Variants in MAGI2 observed in about 807,000 individuals in gnomAD.
MAGI2 encodes membrane-associated guanylate kinase, WW and PDZ domain-containing protein 2.
In MAGI2, 35 loss-of-function variants were observed where a neutral mutation model predicts 133.3. The ratio of observed to expected loss-of-function variants is 0.26; its 90% CI spans 0.20 to 0.35. The LOEUF is 0.35. Among genes scored for constraint, MAGI2 ranks in the 10% least tolerant of loss-of-function variants. The pLI is 1.00. For synonymous variants in MAGI2, 729 were observed against 710.6 expected (o/e 1.03, Z -0.41); for missense variants, 1,636 against 1,863.4 (o/e 0.88, Z 2.25).
At chr7:78,828,911 C>T (rs904947871) in intron 2 of MAGI2, among the ~76,000 whole-genome samples, 13 of 152,070 alleles carry the variant, frequency 8.5e-5, no homozygotes, top group Admixed American at 1.3e-4. Context: ...AAGAATTGAT[C>T]TGACCCTTTG....
intron 3 of MAGI2, among the ~76,000 whole-genome samples, chr7:78,601,354 G>A (rs114886482): frequency 0.01 from 1,598 of 152,224 alleles, 16 homozygotes; most frequent in Middle Eastern, 0.017. Context: ...AATGAGGCTG[G>A]AAATGGGTCC....
chr7:79,372,463 G>C (rs1843107998), intron 1 of MAGI2, among the ~76,000 whole-genome samples: 1 of 152,096 alleles, frequency 6.6e-6, no homozygotes, highest in Admixed American at 6.6e-5. Context: ...GAGTAGAACA[G>C]ACTTAGAGAA....
intron 10 of MAGI2, among the ~76,000 whole-genome samples, chr7:78,232,482 T>C (rs567683024): frequency 2.4e-4 from 37 of 152,356 alleles, no homozygotes; most frequent in Non-Finnish European, 4.6e-4. Flanking sequence ...AATTGTCGTA[T>C]GGACTCTTAA....
At chr7:78,861,569 T>G (rs1794157599) in intron 2 of MAGI2, among the ~76,000 whole-genome samples, 1 of 152,206 alleles carries the variant, frequency 6.6e-6, no homozygotes, top group Non-Finnish European at 1.5e-5. Context: ...CCAATTAATA[T>G]CTAAGTATCT....
intron 21 of MAGI2, among the ~76,000 whole-genome samples, chr7:78,054,066 G>A (rs2151115793): frequency 6.6e-6 from 1 of 152,212 alleles, no homozygotes; most frequent in African/African-American, 2.4e-5. Flanking sequence ...AGGCCTTTCA[G>A]TTAGATATGG....
intron 2 of MAGI2, among the ~76,000 whole-genome samples, chr7:79,001,975 A>G (rs1003492582): frequency 6.6e-6 from 1 of 152,074 alleles, no homozygotes; most frequent in Non-Finnish European, 1.5e-5. Flanking sequence ...TATGTTTTTC[A>G]TGGTTAGTCT....
chr7:78,178,102 C>T lies in MAGI2; in HGVS notation c.2312G>A (p.Gly771Asp). ...PRTSFRMDSSGPDYKELDVHL... is the reference protein window; with the variant it reads ...PRTSFRMDSSDPDYKELDVHL... ...AACATCCAATTCCTTATAATCTGGA[C>T]CTGGCATAAAGGAGATCCCATTGAG... The change falls in exon 14 of 22, where the codon GGT becomes GAT. Residue 771 changes from glycine to aspartate, a missense_variant and splice_region_variant. This residue lies in a region of MAGI2 where 920 missense variants were observed against 1,093.5 expected (regional missense o/e 0.84). Coordinates refer to ENST00000354212, the MANE Select transcript of MAGI2 (RefSeq NM_012301.4). 1.2e-6 allele frequency: 2 copies of T among 1,608,180 alleles called. No individual in the cohort carries two copies. Among genetic ancestry groups the T allele is most frequent in the Middle Eastern group, 1.7e-4 (1 of 6,046 alleles).
At chr7:78,234,947 T>A (rs1421527872) in intron 10 of MAGI2, among the ~76,000 whole-genome samples, 1 of 152,162 alleles carries the variant, frequency 6.6e-6, no homozygotes, top group Non-Finnish European at 1.5e-5. Context: ...TACAGTATAG[T>A]GGCAGAGAGT....
chr7:79,359,669 AAC>A (rs59414419), intron 1 of MAGI2, among the ~76,000 whole-genome samples: 19,181 of 139,768 alleles, frequency 0.14, 1,507 homozygotes, highest in African/African-American at 0.24. Flanking sequence ...TCAAGTGGGA[AAC>A]ACACACACAC....
intron 3 of MAGI2, among the ~76,000 whole-genome samples, chr7:78,588,030 A>C (rs1012961668): frequency 6.6e-6 from 1 of 152,188 alleles, no homozygotes; most frequent in East Asian, 1.9e-4. Flanking sequence ...GTGACTCTAG[A>C]CAAGGAATCT....
chr7:79,453,559 A>G lies in MAGI2; in HGVS notation c.-239T>C. ...TTGGATGAGGTTGTGCTGTCCCTTG[A>G]ATGACACTCAAGGCTGTGGCCCCGC... On this transcript the variant is annotated 5_prime_UTR_variant, in exon 1 of 22. Transcript: ENST00000354212. 8 of 1,259,788 alleles carry G rather than the reference A, an allele frequency of 6.4e-6. No homozygotes were observed. The South Asian group carries it at 2.1e-4, about 33-fold the overall frequency. The allele number at this position is 1,259,788 out of a possible 1,614,324, so 78.0% of individuals were successfully genotyped here.
intron 16 of MAGI2, among the ~76,000 whole-genome samples, chr7:78,152,991 T>C (rs150486427): frequency 4.5e-4 from 69 of 152,330 alleles, no homozygotes; most frequent in African/African-American, 1.4e-3. Context: ...CAGTGAGAAA[T>C]AGAGAAATGA....
intron 21 of MAGI2, among the ~76,000 whole-genome samples, chr7:78,072,046 C>G (rs111543223): frequency 6.6e-6 from 1 of 152,134 alleles, no homozygotes; most frequent in South Asian, 2.1e-4. Context: ...TGAGGTAACA[C>G]GTCCGGGCTC....
At chr7:79,129,391 C>A (rs1262485432) in intron 1 of MAGI2, among the ~76,000 whole-genome samples, 2 of 152,188 alleles carry the variant, frequency 1.3e-5, no homozygotes, top group Non-Finnish European at 2.9e-5. Context: ...TCTTTAAATT[C>A]ATGCATAATA....
intron 2 of MAGI2, among the ~76,000 whole-genome samples, chr7:78,967,154 C>T (rs1803388026): frequency 6.6e-6 from 1 of 151,902 alleles, no homozygotes; most frequent in Admixed American, 6.6e-5. Context: ...GTTGCCCAGG[C>T]TGGTCTCAAA....
chr7:78,413,980 G>A (rs1798079667), intron 6 of MAGI2, among the ~76,000 whole-genome samples: 1 of 152,000 alleles, frequency 6.6e-6, no homozygotes, highest in African/African-American at 2.4e-5. Flanking sequence ...ATTCATAATG[G>A]CAGATTTTTA....
At chr7:78,937,209 T>C (rs1422664682) in intron 2 of MAGI2, among the ~76,000 whole-genome samples, 6 of 152,038 alleles carry the variant, frequency 3.9e-5, no homozygotes, top group Admixed American at 6.6e-5. Flanking sequence ...TGTCCAAATC[T>C]GGGACAATTT....
intron 1 of MAGI2, among the ~76,000 whole-genome samples, chr7:79,025,071 C>T (rs1278736287): frequency 6.6e-6 from 1 of 152,068 alleles, no homozygotes; most frequent in Non-Finnish European, 1.5e-5. Flanking sequence ...TATCACAGCA[C>T]TATTCACAAT....
chr7:78,585,253 G>T (rs1203955350), intron 3 of MAGI2, among the ~76,000 whole-genome samples: 2 of 152,118 alleles, frequency 1.3e-5, no homozygotes, highest in Non-Finnish European at 2.9e-5. Context: ...ATCCTGAAAA[G>T]GTGCTCTCAC....
Sources: allele counts gnomAD v4.1 joint callset (sites outside exome capture counted in the v4.1 genomes callset), GRCh38; gene constraint gnomAD v4.1.1; regional missense constraint gnomAD v4.1.1; transcripts MANE v1.5; gene names NCBI Gene and HGNC (gene_info 2026-07-23, HGNC 2026-07-21).